PDE10A: variants seen among roughly 807,000 people sequenced by gnomAD.
PDE10A encodes cAMP and cAMP-inhibited cGMP 3',5'-cyclic phosphodiesterase 10A.
Under a neutral mutation model 97.7 loss-of-function variants are expected in PDE10A, and 39 were observed. That is an observed-to-expected ratio of 0.40 (90% CI 0.31 to 0.52). The LOEUF (loss-of-function observed/expected upper bound fraction) is 0.52, where lower values mean the gene tolerates loss of function less well. Ranked by LOEUF, PDE10A falls within the 20% of genes least tolerant of loss-of-function variation. The probability of loss-of-function intolerance (pLI) is 0.56; values close to 1 mark genes in which losing one functional copy is unlikely to be tolerated. For missense variants in PDE10A, 731 were observed against 1,047.8 expected (o/e 0.70, Z 4.17); for synonymous variants, 371 against 376.8 (o/e 0.98, Z 0.18).
intron 1 of PDE10A, among the ~76,000 whole-genome samples, chr6:165,647,231 TAC>T (rs1329452569): frequency 6.6e-6 from 1 of 152,162 alleles, no homozygotes; most frequent in African/African-American, 2.4e-5. Context: ...AAATATAAGC[TAC>T]AGTGTCCATG....
chr6:165,958,682 G>A (rs1405450250), intron 1 of PDE10A, among the ~76,000 whole-genome samples: 1 of 72,542 alleles, frequency 1.4e-5, no homozygotes, highest in African/African-American at 3.4e-5. Context: ...AAGAAGGAAG[G>A]AAAGAAAGAA....
At chr6:165,981,553 C>T (rs1012837440) in intron 1 of PDE10A, among the ~76,000 whole-genome samples, 2 of 152,218 alleles carry the variant, frequency 1.3e-5, no homozygotes, top group East Asian at 1.9e-4. Flanking sequence ...TGAGTGAGGA[C>T]TGAGGCCTCT....
chr6:165,394,681 C>A (rs1005246877), intron 15 of PDE10A, among the ~76,000 whole-genome samples: 1 of 152,220 alleles, frequency 6.6e-6, no homozygotes, highest in African/African-American at 2.4e-5. Flanking sequence ...TACATTCCCA[C>A]CAACAGTGTA....
At chr6:165,829,344 A>T (rs1183202610) in intron 1 of PDE10A, among the ~76,000 whole-genome samples, 1 of 151,780 alleles carries the variant, frequency 6.6e-6, no homozygotes, top group Non-Finnish European at 1.5e-5. Flanking sequence ...CTCATCGGCC[A>T]TGCAGTCCCA....
Position 165,418,662 on chromosome 6 carries a change from G to C in PDE10A, c.1769C>G (p.Pro590Arg), listed in dbSNP as rs1272803402. Reference sequence around the variant, plus strand: ...TATCTCTTTGGTCTTCTTGAAGACAGGTTTTCCTTCCTTTTCCTCTCCAAT... The same window carrying C: ...TATCTCTTTGGTCTTCTTGAAGACACGTTTTCCTTCCTTTTCCTCTCCAAT... ...FDIGEEKEGKPVFKKTKEIRF... is the reference protein window; with the variant it reads ...FDIGEEKEGKRVFKKTKEIRF... Residue 590 changes from proline (P) to arginine (R), a missense_variant, in exon 11 of 22, where the codon CCT becomes CGT. By Grantham distance (103) the Pro-to-Arg change is moderately radical (BLOSUM62 -2). This residue lies in a region of PDE10A where 108 missense variants were observed against 199.8 expected (regional missense o/e 0.54). Transcript: ENST00000539869. This position sits in a 1 kb window ranked among gnomAD's most constrained non-coding sequence, Gnocchi z 4.8. The C allele has an allele frequency of 6.2e-7, 1 of 1,613,236 alleles. No homozygotes were observed. Among genetic ancestry groups the C allele is most frequent in the Non-Finnish European group, 8.5e-7 (1 of 1,179,792 alleles).
At chr6:165,399,330 A>G (rs1786442486) in intron 13 of PDE10A, among the ~76,000 whole-genome samples, 1 of 152,234 alleles carries the variant, frequency 6.6e-6, no homozygotes, top group Admixed American at 6.5e-5. Context: ...AGCTGATTCT[A>G]TAATTTATAT....
At chr6:165,665,694 GA>G (rs1025941216), upstream of PDE10A, among the ~76,000 whole-genome samples, 1,233 of 136,654 alleles carry the variant, frequency 9.0e-3, 16 homozygotes, top group African/African-American at 0.03. Flanking sequence ...ACGTTGCAAA[GA>G]AAAAAAAAAA....
chr6:165,443,565 C>G (rs1262010869), intron 5 of PDE10A, among the ~76,000 whole-genome samples: 1 of 152,226 alleles, frequency 6.6e-6, no homozygotes, highest in Non-Finnish European at 1.5e-5. Context: ...TGGCCCTCTT[C>G]TCACAGCTCC....
chr6:165,540,078 T>C (rs558933628), intron 2 of PDE10A, among the ~76,000 whole-genome samples: 184 of 152,298 alleles, frequency 1.2e-3, no homozygotes, highest in South Asian at 2.5e-3. Context: ...GGTTTAGTAT[T>C]TAACCCTCCC....
chr6:165,630,630 C>A (rs1788586305), intron 1 of PDE10A, among the ~76,000 whole-genome samples: 1 of 152,160 alleles, frequency 6.6e-6, no homozygotes. Context: ...TACCTTTATT[C>A]TGACCACCAT....
In PDE10A at chr6:165,626,666, A is replaced by C. The variant is rs973745097; in HGVS notation, c.865+35281T>G. On this transcript the variant is annotated intron_variant, in intron 1 of 21. Coordinates refer to ENST00000539869, the MANE Select transcript of PDE10A (RefSeq NM_001385079.1). ...GACTTTCTTACCATTCAGGATTAAG[A>C]GAGAAGGTAAAAGGCACTTTGCGAT... Among the ~76,000 whole-genome samples the C allele has an allele frequency of 3.9e-5, 6 of 152,264 alleles. No homozygotes were observed. In the East Asian group the frequency reaches 9.7e-4, roughly 25 times the overall value.
chr6:165,964,637 G>A (rs1784455580), intron 1 of PDE10A, among the ~76,000 whole-genome samples: 1 of 152,148 alleles, frequency 6.6e-6, no homozygotes, highest in South Asian at 2.1e-4. Flanking sequence ...TAGGCACATG[G>A]GAATCAGACT....
chr6:165,553,394 G>C (rs1015263631), intron 1 of PDE10A, among the ~76,000 whole-genome samples: 4 of 152,240 alleles, frequency 2.6e-5, no homozygotes, highest in African/African-American at 9.6e-5. Context: ...CGATTGACTA[G>C]TACTGATACC....
chr6:165,811,297 G>C (rs1414073810), intron 1 of PDE10A, among the ~76,000 whole-genome samples: 2 of 152,160 alleles, frequency 1.3e-5, no homozygotes, highest in African/African-American at 4.8e-5. Context: ...GCTTAGACTG[G>C]AATTGAAGAT....
chr6:165,714,186 A>C (rs2128446889), intron 1 of PDE10A, among the ~76,000 whole-genome samples: 1 of 152,328 alleles, frequency 6.6e-6, no homozygotes, highest in South Asian at 2.1e-4. Context: ...TGGGCAGCTC[A>C]GTGTTCATGC....
At chr6:165,986,288 A>C (rs577982328) in intron 1 of PDE10A, 1 of 153,122 alleles carries the variant, frequency 6.5e-6, no homozygotes, top group South Asian at 2.1e-4. Context: ...AGGAGAGTGA[A>C]GGTGGGGTTG....
chr6:165,412,510 T>A (rs1787942438), intron 13 of PDE10A, among the ~76,000 whole-genome samples: 1 of 152,154 alleles, frequency 6.6e-6, no homozygotes, highest in Admixed American at 6.5e-5. Flanking sequence ...GCAAAAGTGT[T>A]TGACAGCATT....
At chr6:165,439,429 C>G (rs1444016246) in intron 5 of PDE10A, among the ~76,000 whole-genome samples, 1 of 152,052 alleles carries the variant, frequency 6.6e-6, no homozygotes, top group East Asian at 1.9e-4. Flanking sequence ...CTATCATTTC[C>G]AAAGAAGAAA....
At chr6:165,716,575 T>G (rs2128447422) in intron 1 of PDE10A, among the ~76,000 whole-genome samples, 1 of 152,286 alleles carries the variant, frequency 6.6e-6, no homozygotes. Context: ...ACGAGCCTGT[T>G]TGAGAAGAGC....
Sources: gnomAD v4.1 joint callset for allele counts (sites outside exome capture counted in the v4.1 genomes callset) on GRCh38, gnomAD v4.1.1 for gene constraint, gnomAD v4.1.1 regional missense constraint, Gnocchi (gnomAD v3.1) non-coding constraint, MANE v1.5 for transcripts, NCBI Gene and HGNC (gene_info 2026-07-23, HGNC 2026-07-21) for gene names.